The following GRM5 variants were observed in gnomAD, a reference collection of about 807,000 sequenced individuals.
GRM5 encodes metabotropic glutamate receptor 5.
In GRM5, 19 loss-of-function variants were observed where a neutral mutation model predicts 83.1. The observed-to-expected ratio is 0.23, with a 90% confidence interval of 0.16 to 0.34. GRM5 has a LOEUF of 0.34. Ranked by LOEUF, GRM5 falls within the 10% of genes least tolerant of loss-of-function variation. GRM5 has a pLI of 1.00. For synonymous variants in GRM5, 675 were observed against 633.6 expected, an observed-to-expected ratio of 1.07 and a Z score of -0.98; for missense variants, 1,160 against 1,588.3, an observed-to-expected ratio of 0.73 and a Z score of 4.58.
At chr11:89,025,297 C>G (rs1168224445) in intron 2 of GRM5, among the ~76,000 whole-genome samples, 1 of 152,112 alleles carries the variant, frequency 6.6e-6, no homozygotes, top group East Asian at 1.9e-4. Flanking sequence ...CTCAGTGGCT[C>G]AGATGGACAG....
At chr11:88,923,195 C>T (rs1019785747) in intron 2 of GRM5, among the ~76,000 whole-genome samples, 10 of 152,072 alleles carry the variant, frequency 6.6e-5, no homozygotes, top group African/African-American at 2.4e-4. Flanking sequence ...AGAAATTTTA[C>T]TGGTATGTAC....
intron 3 of GRM5, among the ~76,000 whole-genome samples, chr11:88,700,357 G>C (rs1022498218): frequency 1.3e-5 from 2 of 152,026 alleles, no homozygotes; most frequent in African/African-American, 4.8e-5. Flanking sequence ...CTCAAGAAGA[G>C]AGTAGCTATG....
At chr11:88,992,131 A>G (rs1453122844) in intron 2 of GRM5, among the ~76,000 whole-genome samples, 1 of 152,238 alleles carries the variant, frequency 6.6e-6, no homozygotes, top group Non-Finnish European at 1.5e-5. Context: ...AAGGGCTAAT[A>G]ATATCCAGAA....
At chr11:88,949,716 A>G (rs939090468) in intron 2 of GRM5, among the ~76,000 whole-genome samples, 2 of 152,232 alleles carry the variant, frequency 1.3e-5, no homozygotes, top group African/African-American at 4.8e-5. Context: ...TTATGAATGC[A>G]TAAAAAGTGT....
At chr11:88,766,332 T>C (rs1942623904) in intron 3 of GRM5, among the ~76,000 whole-genome samples, 1 of 151,770 alleles carries the variant, frequency 6.6e-6, no homozygotes, top group Non-Finnish European at 1.5e-5. Flanking sequence ...ATAACCAAAA[T>C]GGCACGGTAC....
At chr11:88,782,152 A>G (rs1271521135) in intron 3 of GRM5, among the ~76,000 whole-genome samples, 1 of 152,088 alleles carries the variant, frequency 6.6e-6, no homozygotes, top group Non-Finnish European at 1.5e-5. Context: ...AATTTCTAAT[A>G]AGAAAATGAC....
intron 2 of GRM5, among the ~76,000 whole-genome samples, chr11:88,944,723 A>T (rs776018331): frequency 6.6e-6 from 1 of 151,900 alleles, no homozygotes; most frequent in East Asian, 1.9e-4. Context: ...AAATTTGTCA[A>T]TTATCCAGCT....
At chr11:89,014,928 C>A (rs371780916) in intron 2 of GRM5, among the ~76,000 whole-genome samples, 1 of 152,270 alleles carries the variant, frequency 6.6e-6, no homozygotes, top group East Asian at 1.9e-4. Flanking sequence ...GCCCACTGTA[C>A]GTGTTCAAGT....
At chr11:88,982,814 C>A (rs1300145248) in intron 2 of GRM5, among the ~76,000 whole-genome samples, 1 of 152,140 alleles carries the variant, frequency 6.6e-6, no homozygotes, top group Non-Finnish European at 1.5e-5. Context: ...TGCCTTTAAT[C>A]CCAGCATTTT....
chr11:88,533,635 T>G (rs1379693831), intron 8 of GRM5, among the ~76,000 whole-genome samples: 2 of 152,150 alleles, frequency 1.3e-5, no homozygotes, highest in Admixed American at 1.3e-4. Flanking sequence ...GTGCCTATGA[T>G]AGTATAGGTA....
intron 3 of GRM5, among the ~76,000 whole-genome samples, chr11:88,820,216 T>TA (rs1334340093): frequency 4.4e-5 from 6 of 134,984 alleles, no homozygotes; most frequent in African/African-American, 1.7e-4. Flanking sequence ...CCATCTCTAC[T>TA]AAAAAATACA....
intron 4 of GRM5, among the ~76,000 whole-genome samples, chr11:88,631,679 C>CATT (rs1237394303): frequency 6.6e-6 from 1 of 152,196 alleles, no homozygotes; most frequent in Non-Finnish European, 1.5e-5. Context: ...CACTCCTGTT[C>CATT]ATTTCACAGC....
intron 1 of GRM5, among the ~76,000 whole-genome samples, chr11:89,052,023 A>T (rs1352364888): frequency 6.6e-6 from 1 of 152,228 alleles, no homozygotes; most frequent in East Asian, 1.9e-4. Flanking sequence ...GTCTACTCCT[A>T]GCTTCTAGTT....
chr11:88,628,074 T>A (rs1322475261), intron 4 of GRM5, among the ~76,000 whole-genome samples: 2 of 152,038 alleles, frequency 1.3e-5, no homozygotes, highest in Non-Finnish European at 2.9e-5. Flanking sequence ...CTTGAAATAC[T>A]CTGCCTCCAA....
chr11:89,021,359 T>C (rs575294642), intron 2 of GRM5, among the ~76,000 whole-genome samples: 1 of 152,312 alleles, frequency 6.6e-6, no homozygotes, highest in South Asian at 2.1e-4. Context: ...GTTCCTGCTG[T>C]CAGCTCACTG....
At chr11:88,805,733 G>A (rs1943488387) in intron 3 of GRM5, among the ~76,000 whole-genome samples, 1 of 151,980 alleles carries the variant, frequency 6.6e-6, no homozygotes, top group Middle Eastern at 3.2e-3. Context: ...CCTTCCTTTT[G>A]TTCTCAGTGA....
At chr11:88,807,343 A>G (rs960797159) in intron 3 of GRM5, among the ~76,000 whole-genome samples, 7 of 152,064 alleles carry the variant, frequency 4.6e-5, no homozygotes, top group Admixed American at 4.6e-4. Flanking sequence ...CCTATACTAG[A>G]CTCAACTCTG....
intron 3 of GRM5, among the ~76,000 whole-genome samples, chr11:88,751,386 C>T (rs901771746): frequency 6.6e-6 from 1 of 152,010 alleles, no homozygotes; most frequent in Non-Finnish European, 1.5e-5. Flanking sequence ...ACACATACAC[C>T]CTCTCAAGAC....
intron 2 of GRM5, among the ~76,000 whole-genome samples, chr11:89,039,957 A>C (rs2135139332): frequency 6.6e-6 from 1 of 152,200 alleles, no homozygotes; most frequent in Non-Finnish European, 1.5e-5. Flanking sequence ...ATGTCTAGCT[A>C]ATTTTTCTTT....
Sources: allele counts gnomAD v4.1 joint callset (sites outside exome capture counted in the v4.1 genomes callset), GRCh38; gene constraint gnomAD v4.1.1; transcripts MANE v1.5; gene names NCBI Gene and HGNC (gene_info 2026-07-23, HGNC 2026-07-21).